MSTO1: variants seen among roughly 807,000 people sequenced by gnomAD.
MSTO1 encodes the protein protein misato homolog 1.
MSTO1 carries 24 observed loss-of-function variants against 55.7 expected under a neutral mutation model. The ratio of observed to expected loss-of-function variants is 0.43; its 90% CI spans 0.31 to 0.61. MSTO1 has a LOEUF of 0.61. MSTO1 is among the 20% of genes least tolerant of loss of function. The pLI is 0.09. For synonymous variants in MSTO1, 162 were observed against 252.8 expected, an observed-to-expected ratio of 0.64 and a Z score of 3.41; for missense variants, 363 against 625.7, an observed-to-expected ratio of 0.58 and a Z score of 4.48.
the MSTO1 span, among the ~76,000 whole-genome samples, chr1:155,573,537 GA>G: frequency 1.4e-5 from 2 of 147,282 alleles, no homozygotes; most frequent in African/African-American, 2.5e-5. Flanking sequence ...TGTCCCTACG[GA>G]AAAAAAAAAT....
chr1:155,609,247 T>A (rs866341752), upstream of MSTO1, among the ~76,000 whole-genome samples: 199 of 90,662 alleles, frequency 2.2e-3, no homozygotes, highest in African/African-American at 6.4e-3. Flanking sequence ...ATATATATTT[T>A]TTTTTTTTTT....
At chr1:155,602,857 CT>C in the MSTO1 span, among the ~76,000 whole-genome samples, 1 of 151,960 alleles carries the variant, frequency 6.6e-6, no homozygotes, top group South Asian at 2.1e-4. Context: ...CAGACAATAT[CT>C]TTTTAGGGAA....
the MSTO1 span, among the ~76,000 whole-genome samples, chr1:155,595,200 T>C: frequency 7.3e-6 from 1 of 136,570 alleles, no homozygotes; most frequent in African/African-American, 2.7e-5. Flanking sequence ...TTTTTTGAGA[T>C]GGAGTCTCGG....
the MSTO1 span, chr1:155,591,127 A>G: frequency 1.2e-6 from 2 of 1,613,428 alleles, no homozygotes; most frequent in Non-Finnish European, 1.7e-6. Context: ...GCCCTCCCAC[A>G]CCACCTGGCC....
chr1:155,592,252 G>C, the MSTO1 span, among the ~76,000 whole-genome samples: 1 of 152,170 alleles, frequency 6.6e-6, no homozygotes, highest in Admixed American at 6.6e-5. Flanking sequence ...AGTCTGGATG[G>C]AGGGACAAAA....
Position 155,610,291 on chromosome 1 carries a change from C to G in MSTO1, c.43C>G (p.His15Asp). The G allele has an allele frequency of 9.3e-7, 1 of 1,078,130 alleles. No individual in the cohort carries two copies. Among genetic ancestry groups the G allele is most frequent in the Non-Finnish European group, 1.3e-6 (1 of 755,216 alleles). The allele number at this position is 1,078,130 out of a possible 1,614,324, so 66.8% of individuals were successfully genotyped here. A position where few individuals can be genotyped will look rare whatever the true frequency, so the allele number is the denominator to read the frequency against. The stretch of plus-strand genomic sequence containing the variant: ...GGAGGTGCTCACACTGCAGTTGGGA[C>G]ATTTTGCCGGTTTCGTGGGCGCGCA... ...AREVLTLQLG[H>D]FAGFVGAHWW... The change falls in exon 1 of 14, where the codon CAT (histidine) becomes GAT (aspartate). Residue 15 changes from histidine to aspartate, a missense_variant. His to Asp is a moderately conservative substitution (Grantham distance 81). Around this residue, in one of 3 missense-constraint regions of MSTO1, gnomAD observed 94 missense variants for 212.4 expected, o/e 0.44. Coordinates refer to ENST00000245564, the MANE Select transcript of MSTO1 (RefSeq NM_018116.4).
At chr1:155,606,197 C>CATTTTTT (rs1558242399), upstream of MSTO1, among the ~76,000 whole-genome samples, 3 of 53,294 alleles carry the variant, frequency 5.6e-5, no homozygotes, top group African/African-American at 2.1e-4. Context: ...CCATGCCCAG[C>CATTTTTT]CTTTTTTTTT....
At chr1:155,574,679 G>T in the MSTO1 span, among the ~76,000 whole-genome samples, 86 of 152,008 alleles carry the variant, frequency 5.7e-4, 3 homozygotes, top group South Asian at 0.016. Flanking sequence ...GGATCCTCCT[G>T]CCTCAGCCTC....
the MSTO1 span, among the ~76,000 whole-genome samples, chr1:155,574,194 CA>C: frequency 6.6e-6 from 1 of 152,152 alleles, no homozygotes; most frequent in Admixed American, 6.6e-5. Flanking sequence ...CCCATCTCAA[CA>C]AAAAACACAA....
chr1:155,602,346 C>G, the MSTO1 span: 4 of 245,870 alleles, frequency 1.6e-5, no homozygotes, highest in Admixed American at 2.2e-4. Flanking sequence ...TGTGGTGGCA[C>G]ATGCCTGTAA....
chr1:155,598,960 C>A, the MSTO1 span: 1 of 1,142,520 alleles, frequency 8.8e-7, no homozygotes, highest in Non-Finnish European at 1.3e-6. Context: ...GTTCAGTTAT[C>A]TTGTTACCGT....
rs1250296173 is a variant in MSTO1 at position 155,613,243 on chromosome 1, G to C, written c.1283+10G>C. On this transcript the variant is annotated intron_variant, in intron 11 of 13. Coordinates refer to ENST00000245564, the MANE Select transcript of MSTO1 (RefSeq NM_018116.4). ...GAGCATGCCACACAAGGTGAGAGCT[G>C]TTGGTCCTTAGGAGTCCTTGTCAGA... 6.2e-7 allele frequency: 1 copy of C among 1,611,126 alleles called. No homozygotes were observed.
chr1:155,600,072 A>G, the MSTO1 span, among the ~76,000 whole-genome samples: 1 of 152,160 alleles, frequency 6.6e-6, no homozygotes, highest in African/African-American at 2.4e-5. Flanking sequence ...AATCCTTCTC[A>G]GCACAGACCC....
the MSTO1 span, among the ~76,000 whole-genome samples, chr1:155,587,362 C>T: frequency 6.7e-6 from 1 of 148,670 alleles, no homozygotes; most frequent in Non-Finnish European, 1.5e-5. Flanking sequence ...ATCCGTTCAA[C>T]CCGGGAGGTG....
At chr1:155,603,884 AAAC>A in the MSTO1 span, among the ~76,000 whole-genome samples, 5 of 152,128 alleles carry the variant, frequency 3.3e-5, no homozygotes, top group Non-Finnish European at 7.4e-5. Flanking sequence ...TTAAATCTCA[AAAC>A]AACAACTTTT....
chr1:155,564,202 G>C, the MSTO1 span, among the ~76,000 whole-genome samples: 1 of 152,198 alleles, frequency 6.6e-6, no homozygotes, highest in African/African-American at 2.4e-5. Flanking sequence ...CTGTTCAAAA[G>C]CCCATGCAAG....
At chr1:155,608,613 C>T (rs1319736450), upstream of MSTO1, among the ~76,000 whole-genome samples, 1 of 150,224 alleles carries the variant, frequency 6.7e-6, no homozygotes, top group African/African-American at 2.5e-5. Context: ...CATTGTCCTG[C>T]CTCCGCCTCC....
chr1:155,572,581 G>A, the MSTO1 span, among the ~76,000 whole-genome samples: 3 of 151,926 alleles, frequency 2.0e-5, no homozygotes, highest in African/African-American at 4.8e-5. Context: ...CCATGGTTTC[G>A]GGCACCTGTA....
chr1:155,609,467 C>A (rs1262843110), upstream of MSTO1, among the ~76,000 whole-genome samples: 1 of 151,360 alleles, frequency 6.6e-6, no homozygotes, highest in African/African-American at 2.4e-5. Context: ...CCAGGATGGT[C>A]TCGATCTCTT....
Sources: allele counts gnomAD v4.1 joint callset (sites outside exome capture counted in the v4.1 genomes callset), GRCh38; gene constraint gnomAD v4.1.1; regional missense constraint gnomAD v4.1.1; transcripts MANE v1.5; gene names NCBI Gene and HGNC (gene_info 2026-07-23, HGNC 2026-07-21).